The following CNOT9 variants were observed in gnomAD, a reference collection of about 807,000 sequenced individuals.
CNOT9 encodes CCR4-NOT transcription complex subunit 9.
A neutral mutation model predicts 37.4 loss-of-function variants in CNOT9; 8 were observed. That is an observed-to-expected ratio of 0.21 (90% CI 0.13 to 0.39). The LOEUF is 0.39. Among genes scored for constraint, CNOT9 ranks in the 10% least tolerant of loss-of-function variants. The pLI is 1.00. For synonymous variants in CNOT9, 120 were observed against 137.6 expected, an observed-to-expected ratio of 0.87 and a Z score of 0.90; for missense variants, 154 against 365.3, an observed-to-expected ratio of 0.42 and a Z score of 4.71.
At chr2:218,572,460 C>T (rs1574983306) in intron 1 of CNOT9, among the ~76,000 whole-genome samples, 1 of 152,274 alleles carries the variant, frequency 6.6e-6, no homozygotes, top group East Asian at 1.9e-4. Context: ...AATCCCAGCA[C>T]TTTGGGAGGC....
chr2:218,593,607 C>T, intron 7 of CNOT9: 1 of 1,452,930 alleles, frequency 6.9e-7, no homozygotes, highest in Non-Finnish European at 9.1e-7. Flanking sequence ...ATACTGCTAC[C>T]ATAGTTTTGT....
At chr2:218,575,164 C>T (rs1694122619) in intron 1 of CNOT9, among the ~76,000 whole-genome samples, 1 of 152,130 alleles carries the variant, frequency 6.6e-6, no homozygotes, top group Non-Finnish European at 1.5e-5. Flanking sequence ...TCACTTCAGG[C>T]TCCCACGCCA....
At chr2:218,579,506 A>G (rs1013822123) in intron 1 of CNOT9, among the ~76,000 whole-genome samples, 3 of 152,162 alleles carry the variant, frequency 2.0e-5, no homozygotes, top group African/African-American at 7.2e-5. Flanking sequence ...TTTGTTTTTG[A>G]GACGGAGTCT....
Position 218,592,837 on chromosome 2 carries a change from C to A in CNOT9, c.731+130C>A. 1.4e-6 allele frequency: 1 copy of A among 703,732 alleles called. No homozygotes were observed. Among genetic ancestry groups the A allele is most frequent in the Non-Finnish European group, 2.4e-6 (1 of 413,788 alleles). 43.6% of individuals were successfully genotyped at this position (703,732 alleles called of 1,614,324 possible). The stretch of plus-strand genomic sequence containing the variant: ...ATAACTGCATTTAGTTTGTCTGAGA[C>A]AGAACTTAGATTCTTTTAAAAATCT... On this transcript the variant is annotated intron_variant, in intron 7 of 7. Coordinates refer to ENST00000273064, the MANE Select transcript of CNOT9 (RefSeq NM_005444.3). The surrounding 1 kb of genome is among the most constrained non-coding windows in gnomAD (Gnocchi z 4.1).
At chr2:218,576,994 T>A in intron 1 of CNOT9, among the ~76,000 whole-genome samples, 1 of 150,964 alleles carries the variant, frequency 6.6e-6, no homozygotes, top group Non-Finnish European at 1.5e-5. Flanking sequence ...CATCTTTAGA[T>A]CAGATTTTGT....
chr2:218,593,907 C>A, intron 7 of CNOT9: 1 of 1,011,806 alleles, frequency 9.9e-7, no homozygotes, highest in Non-Finnish European at 1.4e-6. Flanking sequence ...GGGCATCATT[C>A]AGAAAATATT....
At chr2:218,591,641 G>T (rs1694779804) in intron 5 of CNOT9, among the ~76,000 whole-genome samples, 1 of 152,068 alleles carries the variant, frequency 6.6e-6, no homozygotes, top group Non-Finnish European at 1.5e-5. Context: ...TACTCGGGAG[G>T]CTGAGGCAGG....
intron 7 of CNOT9, chr2:218,593,014 C>A: frequency 2.8e-6 from 1 of 351,700 alleles, no homozygotes; most frequent in Non-Finnish European, 5.2e-6. Context: ...TCTACGTGGT[C>A]AGAGAGAGAA....
chr2:218,580,169 A>G (rs1406246883), intron 1 of CNOT9, among the ~76,000 whole-genome samples: 1 of 151,816 alleles, frequency 6.6e-6, no homozygotes, highest in Non-Finnish European at 1.5e-5. Context: ...GGGTTTCGCC[A>G]TGTTGGCCAG....
rs540058752 is a variant in CNOT9, at chr2:218,595,559, T to G, written c.*1283T>G. The G allele has an allele frequency of 4.6e-5, 7 of 151,910 alleles. No homozygotes were observed. The highest frequency in any genetic ancestry group is 1.0e-4 in the Non-Finnish European group (7 of 67,994). The allele number at this position is 151,910 out of a possible 1,614,324, so 9.4% of individuals were successfully genotyped here. On this transcript the variant is annotated 3_prime_UTR_variant, in exon 8 of 8. Transcript: ENST00000273064. ...TCTTCACAATCCATAGGCTTGAATC[T>G]GCAACCTAGTGTAAACTGCCTTGCT...
intron 1 of CNOT9, 21 bp from the exon 2 acceptor site, chr2:218,580,540 C>A: frequency 6.3e-7 from 1 of 1,578,112 alleles, no homozygotes; most frequent in Non-Finnish European, 8.6e-7. Flanking sequence ...CTGATATTTA[C>A]TTTCTTGTCT....
chr2:218,571,391 G>C (rs1693987069), intron 1 of CNOT9, among the ~76,000 whole-genome samples: 1 of 152,072 alleles, frequency 6.6e-6, no homozygotes, highest in Admixed American at 6.6e-5. Context: ...ATGGCCACTG[G>C]ACTCCAGCTT....
At chr2:218,572,512 C>G (rs1694032839) in intron 1 of CNOT9, 1 of 176,460 alleles carries the variant, frequency 5.7e-6, no homozygotes, top group South Asian at 1.9e-4. Flanking sequence ...TCAAGACCAG[C>G]CTTGGCAACA....
intron 3 of CNOT9, among the ~76,000 whole-genome samples, chr2:218,584,311 G>A (rs997021629): frequency 1.3e-5 from 2 of 152,188 alleles, no homozygotes; most frequent in African/African-American, 4.8e-5. Flanking sequence ...ACTGTCCTGT[G>A]CATTGTAGGA....
intron 1 of CNOT9, among the ~76,000 whole-genome samples, chr2:218,569,488 G>T (rs1693881565): frequency 6.6e-6 from 1 of 152,100 alleles, no homozygotes; most frequent in African/African-American, 2.4e-5. Flanking sequence ...ACTTTTCCTC[G>T]ACACATCTCG....
intron 5 of CNOT9, among the ~76,000 whole-genome samples, chr2:218,589,947 C>T (rs550582891): frequency 6.6e-6 from 1 of 152,282 alleles, no homozygotes; most frequent in South Asian, 2.1e-4. Flanking sequence ...AAGCCAATTA[C>T]TGGCAATAAG....
Position 218,592,884 on chromosome 2 carries a change from C to T in CNOT9, c.731+177C>T. The T allele has an allele frequency of 1.7e-6, 1 of 596,488 alleles. No individual in the cohort carries two copies. Among genetic ancestry groups the T allele is most frequent in the East Asian group, 2.8e-5 (1 of 35,410 alleles). The allele number at this position is 596,488 out of a possible 1,614,324, so 36.9% of individuals were successfully genotyped here. A position where few individuals can be genotyped will look rare whatever the true frequency, so the allele number is the denominator to read the frequency against. On this transcript the variant is annotated intron_variant, in intron 7 of 7. Coordinates refer to ENST00000273064, the MANE Select transcript of CNOT9 (RefSeq NM_005444.3). The surrounding 1 kb of genome is among the most constrained non-coding windows in gnomAD (Gnocchi z 4.1). ...ATCTGAAATGCTGAATTTTAGTAGC[C>T]ATCAGTTTCATCTTCTCACTGTAAC...
intron 1 of CNOT9, among the ~76,000 whole-genome samples, chr2:218,575,225 T>C (rs1255607160): frequency 6.6e-6 from 1 of 152,176 alleles, no homozygotes; most frequent in Non-Finnish European, 1.5e-5. Context: ...TTGAGGTCTT[T>C]CCTGTTCTTC....
At chr2:218,589,433 C>T (rs1694703240) in intron 5 of CNOT9, 1 of 152,132 alleles carries the variant, frequency 6.6e-6, no homozygotes. Context: ...CTCCTAGGTT[C>T]AGTTGATCCT....
Sources: allele counts gnomAD v4.1 joint callset (sites outside exome capture counted in the v4.1 genomes callset), GRCh38; gene constraint gnomAD v4.1.1; non-coding constraint Gnocchi (gnomAD v3.1); transcripts MANE v1.5; gene names NCBI Gene and HGNC (gene_info 2026-07-23, HGNC 2026-07-21).